Variants in DLGAP1 observed in about 807,000 individuals in gnomAD.
The protein encoded by DLGAP1 is disks large-associated protein 1.
A neutral mutation model predicts 90.8 loss-of-function variants in DLGAP1; 11 were observed. That is an observed-to-expected ratio of 0.12 (90% CI 0.08 to 0.20). DLGAP1 has a LOEUF of 0.20. Among genes scored for constraint, DLGAP1 ranks in the 10% least tolerant of loss-of-function variants. The probability of loss-of-function intolerance (pLI) is 1.00; values close to 1 mark genes in which losing one functional copy is unlikely to be tolerated. For synonymous variants in DLGAP1, 558 were observed against 540.7 expected (o/e 1.03, Z -0.44); for missense variants, 1,050 against 1,333.8 (o/e 0.79, Z 3.31).
At chr18:3,981,315 C>T (rs2073723199) in intron 3 of DLGAP1, among the ~76,000 whole-genome samples, 1 of 152,242 alleles carries the variant, frequency 6.6e-6, no homozygotes, top group Non-Finnish European at 1.5e-5. Context: ...GGAGAAGTGA[C>T]TAAAGATTTG....
chr18:3,627,875 C>CTT (rs34874244), intron 7 of DLGAP1, among the ~76,000 whole-genome samples: 1,113 of 90,100 alleles, frequency 0.012, 51 homozygotes, highest in African/African-American at 0.044. Flanking sequence ...TCCTTCCTTC[C>CTT]TTTTTTTTTT....
At chr18:3,542,753 G>A (rs1180348910) in intron 9 of DLGAP1, among the ~76,000 whole-genome samples, 2 of 152,168 alleles carry the variant, frequency 1.3e-5, no homozygotes, top group Admixed American at 6.5e-5. Context: ...GAAGATGGGC[G>A]ATGATTGCTT....
intron 1 of DLGAP1, among the ~76,000 whole-genome samples, chr18:4,234,844 G>A (rs12955568): frequency 1.3e-5 from 2 of 151,942 alleles, no homozygotes; most frequent in African/African-American, 2.4e-5. Flanking sequence ...ACTTATTCAC[G>A]AAAACAAATC....
chr18:4,227,715 T>C (rs2078220963), intron 1 of DLGAP1, among the ~76,000 whole-genome samples: 1 of 151,460 alleles, frequency 6.6e-6, no homozygotes, highest in Non-Finnish European at 1.5e-5. Context: ...AGAGGACATT[T>C]TGTAACTATA....
chr18:3,843,955 C>A (rs765196289), intron 4 of DLGAP1, among the ~76,000 whole-genome samples: 1 of 152,150 alleles, frequency 6.6e-6, no homozygotes, highest in Non-Finnish European at 1.5e-5. Flanking sequence ...TGTGCTCAAG[C>A]TCTCAGCATC....
chr18:4,322,176 G>A (rs1484152032), intron 1 of DLGAP1, among the ~76,000 whole-genome samples: 1 of 151,668 alleles, frequency 6.6e-6, no homozygotes, highest in Non-Finnish European at 1.5e-5. Context: ...CTCCAGCCTC[G>A]GCAACAGAGC....
intron 1 of DLGAP1, among the ~76,000 whole-genome samples, chr18:4,367,030 A>AAAAT (rs71160960): frequency 1.5e-5 from 2 of 135,068 alleles, no homozygotes; most frequent in East Asian, 2.1e-4. Flanking sequence ...AAAAAAAAAA[A>AAAAT]TCTTGTACTT....
At position 3,649,787 on chromosome 18, in the gene DLGAP1, G is replaced by T. The variant is rs190457663; in HGVS notation, c.1592-67539C>A. On this transcript the variant is annotated intron_variant, in intron 7 of 12. Coordinates refer to ENST00000315677, the MANE Select transcript of DLGAP1 (RefSeq NM_004746.4). ...GGAGAGGGAAACAAAGAGGGGAAAAGATAAACTTAAAAAAAAAAGTAAAAA... is the reference window on the plus strand; with the variant it reads ...GGAGAGGGAAACAAAGAGGGGAAAATATAAACTTAAAAAAAAAAGTAAAAA... 1.3e-5 allele frequency among the ~76,000 whole-genome samples: 2 copies of T among 149,464 alleles called. 1 individual carries two copies. The highest frequency in any genetic ancestry group is 2.9e-5 in the Non-Finnish European group (2 of 67,858).
chr18:3,822,111 G>T (rs942153939), intron 4 of DLGAP1: 2 of 572,376 alleles, frequency 3.5e-6, no homozygotes, highest in Non-Finnish European at 4.4e-6. Flanking sequence ...TCCCAATCAG[G>T]AGAAGATTTC....
At chr18:3,916,447 A>T (rs1599155507) in intron 3 of DLGAP1, among the ~76,000 whole-genome samples, 1 of 152,294 alleles carries the variant, frequency 6.6e-6, no homozygotes, top group Non-Finnish European at 1.5e-5. Context: ...TACAACAGTC[A>T]CAACTCGGTT....
intron 7 of DLGAP1, among the ~76,000 whole-genome samples, chr18:3,628,119 A>T (rs905311423): frequency 6.9e-6 from 1 of 144,374 alleles, no homozygotes; most frequent in Non-Finnish European, 1.5e-5. Flanking sequence ...CAAGTGGTCC[A>T]CCCGCCTTGG....
intron 7 of DLGAP1, among the ~76,000 whole-genome samples, chr18:3,687,661 A>C (rs1390824336): frequency 6.6e-6 from 1 of 152,198 alleles, no homozygotes; most frequent in Non-Finnish European, 1.5e-5. Flanking sequence ...GAAATACTTG[A>C]AGATATAGCT....
At chr18:4,014,258 G>C (rs990518200) in intron 2 of DLGAP1, among the ~76,000 whole-genome samples, 3 of 152,036 alleles carry the variant, frequency 2.0e-5, no homozygotes, top group South Asian at 2.1e-4. Flanking sequence ...GCTAATTTCT[G>C]TATTTTTAGT....
intron 7 of DLGAP1, among the ~76,000 whole-genome samples, chr18:3,615,662 C>T (rs2057832011): frequency 6.6e-6 from 1 of 152,142 alleles, no homozygotes; most frequent in Admixed American, 6.6e-5. Flanking sequence ...GAGCCCTGGG[C>T]ACACTTGTGC....
chr18:4,149,439 A>G (rs2076637015), intron 2 of DLGAP1, among the ~76,000 whole-genome samples: 1 of 152,224 alleles, frequency 6.6e-6, no homozygotes, highest in Admixed American at 6.5e-5. Flanking sequence ...ATAAAGTAAA[A>G]GGAGCTGCAA....
rs542667971 is a variant in DLGAP1, at chr18:3,565,101, C to T, written c.2057+2389G>A. On this transcript the variant is annotated intron_variant, in intron 9 of 12. Coordinates refer to ENST00000315677, the MANE Select transcript of DLGAP1 (RefSeq NM_004746.4). The surrounding 1 kb of genome is among the most constrained non-coding windows in gnomAD (Gnocchi z 4.0). ...CAAGAGTCTGTGCTGTCAACCACTA[C>T]ATCGTTGAGAAAAGGCACCAAGCTG... Among the ~76,000 whole-genome samples, 2 of 152,144 alleles carry T rather than the reference C, an allele frequency of 1.3e-5. No homozygotes were observed. The highest frequency in any genetic ancestry group is 6.5e-5 in the Admixed American group (1 of 15,270).
rs957872225 is a variant in DLGAP1 at position 4,382,328 on chromosome 18, T to C, written c.-267+72678A>G. Among the ~76,000 whole-genome samples, 2 of 152,186 alleles carry C rather than the reference T, an allele frequency of 1.3e-5. 1 individual carries two copies. The highest frequency in any genetic ancestry group is 4.8e-5 in the African/African-American group (2 of 41,444). On this transcript the variant is annotated intron_variant, in intron 1 of 12. Coordinates refer to ENST00000315677, the MANE Select transcript of DLGAP1 (RefSeq NM_004746.4). ...GTTACCTTGCAGCATTTTCAAAATA[T>C]TAAGTACTCAATAAAGTTTAGCCAT...
At chr18:3,978,988 G>C (rs2073663539) in intron 3 of DLGAP1, among the ~76,000 whole-genome samples, 1 of 152,028 alleles carries the variant, frequency 6.6e-6, no homozygotes, top group South Asian at 2.1e-4. Flanking sequence ...ATACCTATCT[G>C]TCCATCAACA....
At chr18:3,756,625 G>C (rs1320977758) in intron 5 of DLGAP1, among the ~76,000 whole-genome samples, 1 of 151,806 alleles carries the variant, frequency 6.6e-6, no homozygotes, top group African/African-American at 2.4e-5. Flanking sequence ...TATTATAGTG[G>C]AAATAAATGA....
Sources: allele counts gnomAD v4.1 joint callset (sites outside exome capture counted in the v4.1 genomes callset), GRCh38; gene constraint gnomAD v4.1.1; non-coding constraint Gnocchi (gnomAD v3.1); transcripts MANE v1.5; gene names NCBI Gene and HGNC (gene_info 2026-07-23, HGNC 2026-07-21).